The following PALM2AKAP2 variants were observed in gnomAD, a reference collection of about 807,000 sequenced individuals.
PALM2AKAP2 encodes PALM2-AKAP2 fusion protein.
Under a neutral mutation model 71.5 loss-of-function variants are expected in PALM2AKAP2, and 37 were observed. That is an observed-to-expected ratio of 0.52 (90% CI 0.40 to 0.68). PALM2AKAP2 has a LOEUF of 0.68. PALM2AKAP2 is among the 30% of genes least tolerant of loss of function. The pLI, the probability that PALM2AKAP2 is intolerant of heterozygous loss-of-function variation, is 0.00. For synonymous variants in PALM2AKAP2, 468 were observed against 478.8 expected (o/e 0.98, Z 0.29); for missense variants, 1,224 against 1,191.8 (o/e 1.03, Z -0.40).
chr9:110,168,221 T>C (rs1325704709), intron 3 of PALM2AKAP2, among the ~76,000 whole-genome samples, 178 bp from the exon 11 acceptor site: 1 of 152,232 alleles, frequency 6.6e-6, no homozygotes, highest in Non-Finnish European at 1.5e-5. Flanking sequence ...GTGAGATGAA[T>C]GCATAACCAG....
chr9:109,849,517 G>A (rs1490093661), intron 1 of PALM2AKAP2, among the ~76,000 whole-genome samples: 2 of 152,196 alleles, frequency 1.3e-5, no homozygotes, highest in Non-Finnish European at 2.9e-5. Context: ...GGAGGCGAAG[G>A]TGGGTGGATC....
intron 5 of PALM2AKAP2, among the ~76,000 whole-genome samples, 173 bp downstream of exon 5, chr9:109,925,255 C>T (rs1564213760): frequency 6.6e-6 from 1 of 152,164 alleles, no homozygotes; most frequent in Non-Finnish European, 1.5e-5. Flanking sequence ...GCCTTCCCTG[C>T]CTCTCTTCTT....
At chr9:110,108,929 C>T (rs960356143) in intron 1 of PALM2AKAP2, among the ~76,000 whole-genome samples, 9 of 152,056 alleles carry the variant, frequency 5.9e-5, no homozygotes, top group African/African-American at 2.2e-4. Flanking sequence ...TGGAGTTATT[C>T]TCCATGGGGC....
intron 6 of PALM2AKAP2, among the ~76,000 whole-genome samples, chr9:110,014,803 A>ATATAT (rs1249165727): frequency 6.2e-5 from 1 of 16,018 alleles, no homozygotes; most frequent in Non-Finnish European, 1.4e-4. Context: ...AAAAAAAAAA[A>ATATAT]ATGTATATAT....
At chr9:110,032,028 T>C (rs1833286496) in intron 7 of PALM2AKAP2, among the ~76,000 whole-genome samples, 1 of 146,844 alleles carries the variant, frequency 6.8e-6, no homozygotes, top group African/African-American at 2.5e-5. Context: ...CGAACAGCCT[T>C]CTCAGTAAAT....
At chr9:109,803,741 G>A (rs577644267) in intron 1 of PALM2AKAP2, among the ~76,000 whole-genome samples, 4 of 152,170 alleles carry the variant, frequency 2.6e-5, no homozygotes, top group Non-Finnish European at 5.9e-5. Context: ...TCTTTCATCT[G>A]CTTCTCCTCC....
rs146576184 is a variant in PALM2AKAP2, at chr9:110,161,008, T to G, written c.2748+4511T>G. 3.4e-3 allele frequency among the ~76,000 whole-genome samples: 517 copies of G among 152,284 alleles called. 6 individuals carry two copies. The highest frequency in any genetic ancestry group is 0.012 in the African/African-American group (504 of 41,548). ...GGACATGCATTGAGAGTTGTGGCCA[T>G]ACTCTCGCTCAGTGTGTGAAGGAAG... On this transcript the variant is annotated intron_variant, in intron 3 of 3. Coordinates refer to ENST00000374525, the Ensembl canonical transcript of PALM2AKAP2.
At chr9:109,671,173 A>G (rs1282281130) in intron 1 of PALM2AKAP2, among the ~76,000 whole-genome samples, 2 of 151,600 alleles carry the variant, frequency 1.3e-5, no homozygotes, top group African/African-American at 4.8e-5. Context: ...TCATCATAAA[A>G]TCTTTGCCTG....
chr9:110,045,628 T>G (rs899613255), upstream of PALM2AKAP2, among the ~76,000 whole-genome samples: 2 of 152,000 alleles, frequency 1.3e-5, no homozygotes, highest in African/African-American at 2.4e-5. Context: ...AGTGCAGTGG[T>G]GCAATCTCGG....
chr9:109,885,809 T>C (rs533776250), intron 3 of PALM2AKAP2, among the ~76,000 whole-genome samples: 1 of 152,344 alleles, frequency 6.6e-6, no homozygotes, highest in Admixed American at 6.5e-5. Context: ...GAAACAGCCT[T>C]GGTTTACCAG....
chr9:110,064,300 G>C (rs983951249), intron 1 of PALM2AKAP2, among the ~76,000 whole-genome samples: 5 of 152,200 alleles, frequency 3.3e-5, no homozygotes, highest in Non-Finnish European at 7.3e-5. Flanking sequence ...AAGCCAAAGA[G>C]AAAATTCAGC....
At chr9:109,857,253 G>GCTGC (rs1298740616) in intron 1 of PALM2AKAP2, among the ~76,000 whole-genome samples, 5 of 152,332 alleles carry the variant, frequency 3.3e-5, no homozygotes, top group Middle Eastern at 3.4e-3. Flanking sequence ...CTTCCCAACT[G>GCTGC]CTGCCTCATC....
chr9:110,046,019 C>A (rs765939933), upstream of PALM2AKAP2, among the ~76,000 whole-genome samples: 11 of 152,176 alleles, frequency 7.2e-5, no homozygotes, highest in African/African-American at 1.4e-4. Flanking sequence ...CCAGTAGCAA[C>A]CCCCCTAATC....
At chr9:109,876,884 A>G (rs1238712973) in intron 2 of PALM2AKAP2, among the ~76,000 whole-genome samples, 1 of 131,392 alleles carries the variant, frequency 7.6e-6, no homozygotes, top group Admixed American at 7.3e-5. Flanking sequence ...AAGTAGAGGG[A>G]CATGCACCTC....
chr9:109,827,901 T>C (rs1267187135), intron 1 of PALM2AKAP2, among the ~76,000 whole-genome samples: 1 of 152,164 alleles, frequency 6.6e-6, no homozygotes, highest in Admixed American at 6.5e-5. Flanking sequence ...CCTTCAAAGA[T>C]TATAAGCTAT....
intron 1 of PALM2AKAP2, among the ~76,000 whole-genome samples, chr9:109,668,842 T>A (rs951235322): frequency 1.3e-5 from 2 of 152,208 alleles, no homozygotes; most frequent in Admixed American, 6.5e-5. Flanking sequence ...CATTTTCTGA[T>A]TGTGTCTTAA....
chr9:109,868,076 T>C (rs538084247), intron 2 of PALM2AKAP2, among the ~76,000 whole-genome samples: 7 of 152,208 alleles, frequency 4.6e-5, no homozygotes, highest in Non-Finnish European at 7.3e-5. Flanking sequence ...ATTCATTTAT[T>C]TTATTTGTAC....
intron 4 of PALM2AKAP2, 65 bp downstream of exon 4, chr9:109,923,914 T>G: frequency 7.0e-7 from 1 of 1,432,038 alleles, no homozygotes; most frequent in Non-Finnish European, 9.2e-7. Context: ...AGCAAAATGG[T>G]GCTAACTGGG....
chr9:110,020,598 G>A (rs987010739), intron 7 of PALM2AKAP2, among the ~76,000 whole-genome samples: 1 of 151,920 alleles, frequency 6.6e-6, no homozygotes, highest in Non-Finnish European at 1.5e-5. Flanking sequence ...AAAGAGAATT[G>A]CTTAAACCCA....
Sources: allele counts gnomAD v4.1 joint callset (sites outside exome capture counted in the v4.1 genomes callset), GRCh38; gene constraint gnomAD v4.1.1; transcripts MANE v1.5; gene names NCBI Gene and HGNC (gene_info 2026-07-23, HGNC 2026-07-21).